The following FAM153A variants were observed in gnomAD, a reference collection of about 807,000 sequenced individuals.
The protein encoded by FAM153A is protein FAM153A.
Under a neutral mutation model 48.1 loss-of-function variants are expected in FAM153A, and 12 were observed. The ratio of observed to expected loss-of-function variants is 0.25; its 90% confidence interval spans 0.16 to 0.40. The LOEUF (loss-of-function observed/expected upper bound fraction) is 0.40, where lower values mean the gene tolerates loss of function less well. FAM153A is among the 10% of genes least tolerant of loss of function. The pLI is 1.00. For synonymous variants in FAM153A, 36 were observed against 118.2 expected, an observed-to-expected ratio of 0.30 and a Z score of 4.51; for missense variants, 111 against 345.8, an observed-to-expected ratio of 0.32 and a Z score of 5.38.
chr5:177,705,524 A>G (rs1424357515), downstream of FAM153A, among the ~76,000 whole-genome samples: 2 of 151,342 alleles, frequency 1.3e-5, no homozygotes, highest in Admixed American at 1.3e-4. Context: ...ATTTATTTAT[A>G]GTAATGCAAG....
chr5:177,743,520 G>A (rs1207478288), intron 6 of FAM153A, among the ~76,000 whole-genome samples: 5 of 122,810 alleles, frequency 4.1e-5, no homozygotes, highest in Admixed American at 8.8e-5. Flanking sequence ...ATTATCTTAT[G>A]GTCAATATGA....
At chr5:177,749,748 T>C (rs1372541519) in intron 2 of FAM153A, among the ~76,000 whole-genome samples, 3 of 138,766 alleles carry the variant, frequency 2.2e-5, no homozygotes, top group Non-Finnish European at 3.1e-5. Flanking sequence ...AAAGGAGAGA[T>C]AGATAATCTG....
At chr5:177,765,805 C>T (rs1360718791) in intron 1 of FAM153A, among the ~76,000 whole-genome samples, 4 of 122,774 alleles carry the variant, frequency 3.3e-5, no homozygotes, top group African/African-American at 1.1e-4. Flanking sequence ...GCCACTGTGC[C>T]CCGACCTACT....
upstream of FAM153A, among the ~76,000 whole-genome samples, chr5:177,756,068 A>G (rs1767696875): frequency 6.7e-6 from 1 of 148,850 alleles, no homozygotes; most frequent in Non-Finnish European, 1.5e-5. Flanking sequence ...AAGATCCATC[A>G]GTGTGCTATA....
intron 4 of FAM153A, among the ~76,000 whole-genome samples, chr5:177,746,242 C>T (rs544243601): frequency 0.013 from 1,941 of 149,738 alleles, 60 homozygotes; most frequent in African/African-American, 0.045. Context: ...GTATTACAGA[C>T]ATGTGCTCCC....
upstream of FAM153A, among the ~76,000 whole-genome samples, chr5:177,754,531 C>T (rs1442068329): frequency 2.0e-5 from 3 of 151,940 alleles, no homozygotes; most frequent in Admixed American, 6.5e-5. Context: ...AACTGACAGA[C>T]TGCCTCCTCA....
At chr5:177,773,961 T>C (rs1189987973) in intron 1 of FAM153A, among the ~76,000 whole-genome samples, 3 of 104,472 alleles carry the variant, frequency 2.9e-5, no homozygotes, top group African/African-American at 1.2e-4. Context: ...TATTCAACAT[T>C]CTTAAAGAAA....
chr5:177,695,506 C>T, the FAM153A span, among the ~76,000 whole-genome samples: 1 of 152,274 alleles, frequency 6.6e-6, no homozygotes, highest in Admixed American at 6.5e-5. Flanking sequence ...CAAAGCACAT[C>T]TTGCACCGCC....
At chr5:177,738,491 G>A (rs1417663926) in intron 10 of FAM153A, among the ~76,000 whole-genome samples, 1 of 151,344 alleles carries the variant, frequency 6.6e-6, no homozygotes, top group African/African-American at 2.5e-5. Flanking sequence ...ACTTCCATAT[G>A]CACACATAGG....
At position 177,733,994 on chromosome 5, in the gene FAM153A, T is replaced by C. The variant is rs942414613; in HGVS notation, c.760+386A>G. Reference sequence around the variant, plus strand: ...GGAAGCTTACAAGTTAATTTTTTCATGTGCCTGCAACAGGACTGCAACGGT... The same window carrying C: ...GGAAGCTTACAAGTTAATTTTTTCACGTGCCTGCAACAGGACTGCAACGGT... On this transcript the variant is annotated intron_variant, in intron 14 of 20. Transcript: ENST00000614127. Among the ~76,000 whole-genome samples the C allele has an allele frequency of 1.3e-3, 144 of 113,894 alleles. 4 individuals are homozygous for C. Among genetic ancestry groups the C allele is most frequent in the African/African-American group, 4.0e-3 (133 of 33,662 alleles). 74.7% of individuals were successfully genotyped at this position (113,894 alleles called of 152,430 possible).
At chr5:177,705,445 T>C (rs1287111158), downstream of FAM153A, among the ~76,000 whole-genome samples, 1 of 150,616 alleles carries the variant, frequency 6.6e-6, no homozygotes, top group Non-Finnish European at 1.5e-5. Flanking sequence ...GCTGCTATGC[T>C]GCTTGTACAG....
rs1351402343 is a variant in FAM153A, at chr5:177,734,746, C to G, written c.735+117G>C. ...ACAGACTCTCACTTACCATTTCCCT[C>G]AAGGACACTGTGTAACTAAGATATA... On this transcript the variant is annotated intron_variant, in intron 13 of 20. Coordinates refer to ENST00000614127, the Ensembl canonical transcript of FAM153A. 1.0e-5 allele frequency: 16 copies of G among 1,574,800 alleles called. 2 individuals carry two copies. Among genetic ancestry groups the G allele is most frequent in the Admixed American group, 3.5e-5 (2 of 56,986 alleles).
At chr5:177,754,906 T>A (rs540203423), upstream of FAM153A, among the ~76,000 whole-genome samples, 2 of 151,582 alleles carry the variant, frequency 1.3e-5, no homozygotes, top group African/African-American at 4.9e-5. Context: ...GCAGAAAAAC[T>A]CAAAATTCTA....
the FAM153A span, among the ~76,000 whole-genome samples, chr5:177,696,264 G>T: frequency 6.8e-6 from 1 of 146,364 alleles, no homozygotes; most frequent in African/African-American, 2.6e-5. Flanking sequence ...CCCAGACGGG[G>T]TGGCCAGGCA....
upstream of FAM153A, among the ~76,000 whole-genome samples, chr5:177,755,961 AC>A (rs1197265702): frequency 6.6e-6 from 1 of 150,520 alleles, no homozygotes; most frequent in African/African-American, 2.5e-5. Flanking sequence ...CATCATAATG[AC>A]AGGATCAAAT....
chr5:177,761,404 G>C (rs1216584106), intron 1 of FAM153A, among the ~76,000 whole-genome samples: 1 of 151,862 alleles, frequency 6.6e-6, no homozygotes, highest in Non-Finnish European at 1.5e-5. Flanking sequence ...AGGCCCCCTC[G>C]GCTGCAGGGC....
the FAM153A span, among the ~76,000 whole-genome samples, chr5:177,696,439 A>G: frequency 6.6e-6 from 1 of 151,912 alleles, no homozygotes; most frequent in African/African-American, 2.4e-5. Flanking sequence ...TGCTCCTCAC[A>G]TCTCAGTTTT....
chr5:177,760,234 C>CTTTTTTTTTTTTT (rs1337707844), intron 1 of FAM153A, among the ~76,000 whole-genome samples: 1 of 96,860 alleles, frequency 1.0e-5, no homozygotes. Flanking sequence ...TTGGGAAAGA[C>CTTTTTTTTTTTTT]CTTTTTTTTT....
At chr5:177,731,759 A>G (rs1561902974) in intron 15 of FAM153A, among the ~76,000 whole-genome samples, 160 bp from the exon 18 acceptor site, 1 of 13,774 alleles carries the variant, frequency 7.3e-5, no homozygotes, top group Non-Finnish European at 1.3e-4. Context: ...TTTCTGTGCA[A>G]CATTTTCAAT....
Sources: allele counts gnomAD v4.1 joint callset (sites outside exome capture counted in the v4.1 genomes callset), GRCh38; gene constraint gnomAD v4.1.1; transcripts MANE v1.5; gene names NCBI Gene and HGNC (gene_info 2026-07-23, HGNC 2026-07-21).